LYNX1: variants seen among roughly 807,000 people sequenced by gnomAD.
LYNX1 encodes the protein ly-6/neurotoxin-like protein 1.
LYNX1 carries 8 observed loss-of-function variants against 8.3 expected under a neutral mutation model. That is an observed-to-expected ratio of 0.97 (90% CI 0.57 to 1.74). LYNX1 has a LOEUF of 1.74. Ranked by LOEUF, LYNX1 falls within the 40% of genes most tolerant of loss-of-function variation. LYNX1 has a pLI of 0.00. For synonymous variants in LYNX1, 73 were observed against 67.9 expected (o/e 1.08, Z -0.37); for missense variants, 158 against 159.7 (o/e 0.99, Z 0.06).
Position 142,774,032 on chromosome 8 carries a change from C to T in LYNX1, c.*1135G>A, listed in dbSNP as rs1231204418. 2.0e-6 allele frequency: 2 copies of T among 985,382 alleles called. No individual in the cohort carries two copies. The highest frequency in any genetic ancestry group is 2.4e-6 in the Non-Finnish European group (2 of 830,016). The allele number at this position is 985,382 out of a possible 1,614,324, so 61.0% of individuals were successfully genotyped here. A position where few individuals can be genotyped will look rare whatever the true frequency, so the allele number is the denominator to read the frequency against. On this transcript the variant is annotated 3_prime_UTR_variant, in exon 4 of 4. Coordinates refer to ENST00000652477, the MANE Select transcript of LYNX1 (RefSeq NM_177477.4). Reference sequence around the variant, plus strand: ...GGGGTGGGGTCCCTGGGAGTCCACACACCCAGCTGGGGCTTCCACCCTGCC... The same window carrying T: ...GGGGTGGGGTCCCTGGGAGTCCACATACCCAGCTGGGGCTTCCACCCTGCC...
At position 142,775,583 on chromosome 8, in the gene LYNX1, C is replaced by T. The variant is rs1587616252; in HGVS notation, c.154+10G>A. On this transcript the variant is annotated intron_variant, in intron 3 of 3. Coordinates refer to ENST00000652477, the MANE Select transcript of LYNX1 (RefSeq NM_177477.4). ...CCCCAGGCAGGGCCACGCAGGGCCC[C>T]CAGACTCACAGGTGCGCGTGGTCAT... 1 of 1,581,282 alleles carries T rather than the reference C, an allele frequency of 6.3e-7. No individual in the cohort carries two copies. The highest frequency in any genetic ancestry group is 8.6e-7 in the Non-Finnish European group (1 of 1,163,780).
chr8:142,775,943 G>T lies in LYNX1; in HGVS notation c.15C>A (p.Leu5=), dbSNP rs1460855539. MTPL[L]TLILVVLMGL... ...CCATGAGGACCACCAGGATCAGGGT[G>T]AGCAGGGGCGTCATGGCTGCAGGCA... Residue 5 remains leucine, a synonymous_variant, in exon 2 of 4, where the codon CTC becomes CTA. Transcript: ENST00000652477. 2 of 1,614,128 alleles carry T rather than the reference G, an allele frequency of 1.2e-6. No individual in the cohort carries two copies. The highest frequency in any genetic ancestry group is 1.7e-6 in the Non-Finnish European group (2 of 1,180,036).
rs768169810 is a variant in LYNX1 at position 142,775,288 on chromosome 8, G to A, written c.230C>T (p.Ser77Phe). ...GCAGGAGGTGGTGGACGCGTGCTTG[G>A]AGTAGCCATCATACACAGTCTCGAA... is the stretch of plus-strand genomic sequence containing the variant. ...RCFETVYDGY[S>F]KHASTTSCCQ... is the part of the protein sequence containing the mutation. Residue 77 changes from serine (S) to phenylalanine (F), a missense_variant, in exon 4 of 4, where the codon TCC becomes TTC. Ser to Phe is a radical substitution (Grantham distance 155). Coordinates refer to ENST00000652477, the MANE Select transcript of LYNX1 (RefSeq NM_177477.4). 33 of 1,613,966 alleles carry A rather than the reference G, an allele frequency of 2.0e-5. No individual in the cohort carries two copies. The highest frequency in any genetic ancestry group is 2.6e-5 in the Non-Finnish European group (31 of 1,180,020).
In LYNX1 at chr8:142,772,408, T is replaced by G; in HGVS notation, c.*2759A>C. 2 of 985,472 alleles carry G rather than the reference T, an allele frequency of 2.0e-6. No homozygotes were observed. The highest frequency in any genetic ancestry group is 3.5e-5 in the African/African-American group (2 of 57,360). 61.0% of individuals were successfully genotyped at this position (985,472 alleles called of 1,614,324 possible). A position where few individuals can be genotyped will look rare whatever the true frequency, so the allele number is the denominator to read the frequency against. On this transcript the variant is annotated 3_prime_UTR_variant, in exon 4 of 4. Transcript: ENST00000652477. ...CTTCTCAAACCTCTGGTTCCACTTTTCTCCTTTTAAGCTTTCCATTTTGTA... is the reference window on the plus strand; with the variant it reads ...CTTCTCAAACCTCTGGTTCCACTTTGCTCCTTTTAAGCTTTCCATTTTGTA...
At position 142,774,154 on chromosome 8, in the gene LYNX1, AC is replaced by A. The variant is rs1289170675; in HGVS notation, c.*1012del. The A allele has an allele frequency of 7.4e-5, 14 of 188,426 alleles. No individual in the cohort carries two copies. The highest frequency in any genetic ancestry group is 5.2e-4 in the African/African-American group (11 of 21,002). The allele number at this position is 188,426 out of a possible 1,614,324, so 11.7% of individuals were successfully genotyped here. A position where few individuals can be genotyped will look rare whatever the true frequency, so the allele number is the denominator to read the frequency against. On this transcript the variant is annotated 3_prime_UTR_variant, in exon 4 of 4. Coordinates refer to ENST00000652477, the MANE Select transcript of LYNX1 (RefSeq NM_177477.4). ...GAGGGGCTGGGTCTCCGCCCTCCCC[AC>A]CCCACCCTCCCCACTCCCGCCCCCG...
chr8:142,774,895 C>T lies in LYNX1; in HGVS notation c.*272G>A. ...GTGCTCCCTGCCTGACTGGGCCCCT[C>T]CCCATAAATAGCCCTGGACAGGCGA... On this transcript the variant is annotated 3_prime_UTR_variant, in exon 4 of 4. Coordinates refer to ENST00000652477, the MANE Select transcript of LYNX1 (RefSeq NM_177477.4). 1 of 1,355,848 alleles carries T rather than the reference C, an allele frequency of 7.4e-7. No individual in the cohort carries two copies. Among genetic ancestry groups the T allele is most frequent in the Non-Finnish European group, 9.5e-7 (1 of 1,054,730 alleles). The allele number at this position is 1,355,848 out of a possible 1,614,324, so 84.0% of individuals were successfully genotyped here.
intron 1 of LYNX1, 122 bp downstream of exon 1, chr8:142,776,984 C>A (rs539545846): frequency 6.6e-6 from 1 of 152,368 alleles, no homozygotes; most frequent in Admixed American, 6.5e-5. Flanking sequence ...TGCCAAAGGC[C>A]AGAGTCAGGC....
chr8:142,773,385 C>T lies in LYNX1; in HGVS notation c.*1782G>A, dbSNP rs1815261672. On this transcript the variant is annotated 3_prime_UTR_variant, in exon 4 of 4. Transcript: ENST00000652477. ...GGGGCGAGGGGAGTCCAGGCCCACC[C>T]TGTGCTGGCAGCAACTCCTTCCCAG... The T allele has an allele frequency of 1.0e-6, 1 of 985,662 alleles. No homozygotes were observed. The highest frequency in any genetic ancestry group is 6.1e-5 in the Admixed American group (1 of 16,274). The allele number at this position is 985,662 out of a possible 1,614,324, so 61.1% of individuals were successfully genotyped here. A position where few individuals can be genotyped will look rare whatever the true frequency, so the allele number is the denominator to read the frequency against.
upstream of LYNX1, chr8:142,777,834 G>A (rs912392685): frequency 2.5e-6 from 1 of 398,918 alleles, no homozygotes; most frequent in Non-Finnish European, 4.4e-6. Flanking sequence ...AGCCGCCTCC[G>A]CCCACTCGCC....
At position 142,771,681 on chromosome 8, in the gene LYNX1, A is replaced by T. The variant is rs1044495344; in HGVS notation, c.*3486T>A. On this transcript the variant is annotated 3_prime_UTR_variant, in exon 4 of 4. Coordinates refer to ENST00000652477, the MANE Select transcript of LYNX1 (RefSeq NM_177477.4). ...CACCGGCAGAAAAGCTGGCATATCC[A>T]CCGAGGGCCTCTCTGCTTCTTTTGA... 3.0e-6 allele frequency: 3 copies of T among 985,714 alleles called. No homozygotes were observed. The highest frequency in any genetic ancestry group is 3.5e-5 in the African/African-American group (2 of 57,204). 61.1% of individuals were successfully genotyped at this position (985,714 alleles called of 1,614,324 possible).
chr8:142,774,954 TG>T lies in LYNX1; in HGVS notation c.*212del. On this transcript the variant is annotated 3_prime_UTR_variant, in exon 4 of 4. Coordinates refer to ENST00000652477, the MANE Select transcript of LYNX1 (RefSeq NM_177477.4). ...TCAGCCCATCAAAGCCGGACACTTT[TG>T]GGATCCCACACAGCATCGAAAGGTC... 7.0e-7 allele frequency: 1 copy of T among 1,424,788 alleles called. No homozygotes were observed. Among genetic ancestry groups the T allele is most frequent in the Non-Finnish European group, 9.1e-7 (1 of 1,093,502 alleles). 88.3% of individuals were successfully genotyped at this position (1,424,788 alleles called of 1,614,324 possible). A position where few individuals can be genotyped will look rare whatever the true frequency, so the allele number is the denominator to read the frequency against.
Position 142,771,277 on chromosome 8 carries a change from T to C in LYNX1, c.*3890A>G. 1.0e-6 allele frequency: 1 copy of C among 985,382 alleles called. No homozygotes were observed. Among genetic ancestry groups the C allele is most frequent in the Non-Finnish European group, 1.2e-6 (1 of 829,946 alleles). The allele number at this position is 985,382 out of a possible 1,614,324, so 61.0% of individuals were successfully genotyped here. On this transcript the variant is annotated 3_prime_UTR_variant, in exon 4 of 4. Transcript: ENST00000652477. ...GTTAGGGTAAGGGTTAGGGCAAGCA[T>C]TAGCAGCAGGGGCATGGCCCTGGGA...
In LYNX1 at chr8:142,772,670, C is replaced by T. The variant is rs190194004; in HGVS notation, c.*2497G>A. The T allele has an allele frequency of 2.7e-5, 27 of 985,584 alleles. No homozygotes were observed. The Admixed American group carries it at 6.7e-4, about 25-fold the overall frequency. The allele number at this position is 985,584 out of a possible 1,614,324, so 61.1% of individuals were successfully genotyped here. ...GTGCAGTGGGGGGACCCACGTCCAT[C>T]GCCACCTTGATGCATACAACCCGGA... On this transcript the variant is annotated 3_prime_UTR_variant, in exon 4 of 4. Coordinates refer to ENST00000652477, the MANE Select transcript of LYNX1 (RefSeq NM_177477.4).
In LYNX1 at chr8:142,774,149, T is replaced by TGGGCCCCCCC; in HGVS notation, c.*1017_*1018insGGGGGGGCCC. On this transcript the variant is annotated 3_prime_UTR_variant, in exon 4 of 4. Transcript: ENST00000652477. The stretch of plus-strand genomic sequence containing the variant: ...CGGGGGAGGGGCTGGGTCTCCGCCC[T>TGGGCCCCCCC]CCCCACCCCACCCTCCCCACTCCCG... 1.4e-6 allele frequency: 1 copy of TGGGCCCCCCC among 725,214 alleles called. No homozygotes were observed. The highest frequency in any genetic ancestry group is 1.6e-6 in the Non-Finnish European group (1 of 608,418). The allele number at this position is 725,214 out of a possible 1,614,324, so 44.9% of individuals were successfully genotyped here.
In LYNX1 at chr8:142,773,511, GTCC is replaced by G. The variant is rs147597454; in HGVS notation, c.*1653_*1655del. 606 of 985,516 alleles carry G rather than the reference GTCC, an allele frequency of 6.1e-4. 2 individuals are homozygous for G. In the African/African-American group the frequency reaches 9.8e-3, roughly 16 times the overall value. 61.0% of individuals were successfully genotyped at this position (985,516 alleles called of 1,614,324 possible). A position where few individuals can be genotyped will look rare whatever the true frequency, so the allele number is the denominator to read the frequency against. ...GGTCCCTTTGCAGAAGACTGGCACTGTCCTCCTCCAGCGGGAACTGGGTGTGCC... is the reference window on the plus strand; with the variant it reads ...GGTCCCTTTGCAGAAGACTGGCACTGTCCTCCAGCGGGAACTGGGTGTGCC... On this transcript the variant is annotated 3_prime_UTR_variant, in exon 4 of 4. Coordinates refer to ENST00000652477, the MANE Select transcript of LYNX1 (RefSeq NM_177477.4).
At chr8:142,776,365 G>T (rs770155234) in intron 1 of LYNX1, 54 of 269,464 alleles carry the variant, frequency 2.0e-4, no homozygotes, top group Non-Finnish European at 3.4e-4. Flanking sequence ...GAGATGGGGG[G>T]AGGATGAGGG....
chr8:142,775,990 G>A lies in LYNX1; in HGVS notation c.-33C>T, dbSNP rs1339974122. The stretch of plus-strand genomic sequence containing the variant: ...GGCAGGAGGGCAGCGTGGGAGTGGG[G>A]AGGTCAACAGCAGCTAGCCCTGGAT... On this transcript the variant is annotated 5_prime_UTR_variant, in exon 2 of 4. Transcript: ENST00000652477. 32 of 1,612,268 alleles carry A rather than the reference G, an allele frequency of 2.0e-5. No individual in the cohort carries two copies. The highest frequency in any genetic ancestry group is 2.6e-5 in the Non-Finnish European group (31 of 1,179,434).
chr8:142,773,253 C>G lies in LYNX1; in HGVS notation c.*1914G>C, dbSNP rs912211252. ...GGCACTGCCCTGAGGCTGGCACTTG[C>G]AGGTGGGGGCCCTTGGGAGCTCTGG... On this transcript the variant is annotated 3_prime_UTR_variant, in exon 4 of 4. Transcript: ENST00000652477. The G allele has an allele frequency of 2.0e-6, 2 of 985,018 alleles. No individual in the cohort carries two copies. Among genetic ancestry groups the G allele is most frequent in the Non-Finnish European group, 2.4e-6 (2 of 829,936 alleles). The allele number at this position is 985,018 out of a possible 1,614,324, so 61.0% of individuals were successfully genotyped here. A position where few individuals can be genotyped will look rare whatever the true frequency, so the allele number is the denominator to read the frequency against.
In LYNX1 at chr8:142,771,205, G is replaced by C. The variant is rs941707137; in HGVS notation, c.*3962C>G. 1.0e-6 allele frequency: 1 copy of C among 985,534 alleles called. No homozygotes were observed. Among genetic ancestry groups the C allele is most frequent in the Non-Finnish European group, 1.2e-6 (1 of 829,986 alleles). 61.0% of individuals were successfully genotyped at this position (985,534 alleles called of 1,614,324 possible). Reference sequence around the variant, plus strand: ...GGCTGGAGAGAAGCGCAGACAATGCGAATCTGTTGATTTATTTACGGCTCG... The same window carrying C: ...GGCTGGAGAGAAGCGCAGACAATGCCAATCTGTTGATTTATTTACGGCTCG... On this transcript the variant is annotated 3_prime_UTR_variant, in exon 4 of 4. Coordinates refer to ENST00000652477, the MANE Select transcript of LYNX1 (RefSeq NM_177477.4).
Sources: gnomAD v4.1 joint callset for allele counts on GRCh38, gnomAD v4.1.1 for gene constraint, MANE v1.5 for transcripts, NCBI Gene and HGNC (gene_info 2026-07-23, HGNC 2026-07-21) for gene names.